ERICH1: variants seen among roughly 807,000 people sequenced by gnomAD.
ERICH1 encodes glutamate rich 1, also known as glutamate-rich protein 1.
ERICH1 carries 56 observed loss-of-function variants against 39.6 expected under a neutral mutation model. The observed-to-expected ratio is 1.41, with a 90% CI of 1.14 to 1.77. The LOEUF is 1.77. ERICH1 is among the 40% of genes most tolerant of loss of function. The pLI is 0.00. For missense variants in ERICH1, 826 were observed against 575.4 expected (o/e 1.44, Z -4.45); for synonymous variants, 313 against 223.6 (o/e 1.40, Z -3.57).
intron 5 of ERICH1, among the ~76,000 whole-genome samples, chr8:665,658 C>A (rs1802101545): frequency 6.6e-6 from 1 of 152,206 alleles, no homozygotes; most frequent in Non-Finnish European, 1.5e-5. Context: ...GGGAGGAACA[C>A]TCAGGGAATG....
intron 2 of ERICH1, among the ~76,000 whole-genome samples, chr8:707,601 G>A (rs536432640): frequency 6.6e-6 from 1 of 152,138 alleles, no homozygotes; most frequent in East Asian, 1.9e-4. Context: ...ACATGCAAAG[G>A]AATGAAGTTG....
At chr8:721,568 C>G (rs1157175875) in intron 1 of ERICH1, among the ~76,000 whole-genome samples, 1 of 152,196 alleles carries the variant, frequency 6.6e-6, no homozygotes, top group Non-Finnish European at 1.5e-5. Context: ...AAATAATCAG[C>G]TGTTTTAGAC....
At chr8:724,439 G>A (rs1245147850) in intron 1 of ERICH1, among the ~76,000 whole-genome samples, 1 of 152,222 alleles carries the variant, frequency 6.6e-6, no homozygotes, top group Non-Finnish European at 1.5e-5. Flanking sequence ...ACGGGCGGCT[G>A]CAATAGTTTT....
At chr8:679,463 C>T (rs1439583740) in intron 3 of ERICH1, among the ~76,000 whole-genome samples, 1 of 151,860 alleles carries the variant, frequency 6.6e-6, no homozygotes, top group African/African-American at 2.4e-5. Context: ...TCACAGCACC[C>T]ACCCCTCGCA....
chr8:721,194 T>C (rs2132406946), intron 1 of ERICH1, among the ~76,000 whole-genome samples: 1 of 152,366 alleles, frequency 6.6e-6, no homozygotes, highest in South Asian at 2.1e-4. Context: ...AAAATAACTT[T>C]GCTGACAAAT....
chr8:663,897 C>G (rs558170902), downstream of ERICH1, among the ~76,000 whole-genome samples: 2 of 152,020 alleles, frequency 1.3e-5, no homozygotes, highest in South Asian at 4.2e-4. Context: ...GTAGCTGGGA[C>G]TACAGGCGCC....
At chr8:692,394 A>G in intron 3 of ERICH1, 84 bp downstream of exon 3, 4 of 1,579,196 alleles carry the variant, frequency 2.5e-6, no homozygotes. Context: ...ATGAATTTAG[A>G]TAAAGGTATT....
intron 3 of ERICH1, among the ~76,000 whole-genome samples, chr8:683,075 T>C (rs1254267550): frequency 6.6e-6 from 1 of 152,216 alleles, no homozygotes; most frequent in Non-Finnish European, 1.5e-5. Flanking sequence ...CCATAGATTG[T>C]ACTCATTTAG....
intron 4 of ERICH1, among the ~76,000 whole-genome samples, chr8:670,190 A>G (rs1465213352): frequency 6.6e-6 from 1 of 152,176 alleles, no homozygotes. Context: ...TTTAGTTACT[A>G]TATTTCTCAG....
intron 3 of ERICH1, among the ~76,000 whole-genome samples, chr8:620,640 G>C (rs1797224593): frequency 6.6e-6 from 1 of 152,244 alleles, no homozygotes; most frequent in South Asian, 2.1e-4. Context: ...AACCATGACA[G>C]AGCTGGATAG....
chr8:680,817 C>A (rs1165906062), intron 3 of ERICH1, among the ~76,000 whole-genome samples: 2 of 152,222 alleles, frequency 1.3e-5, no homozygotes, highest in African/African-American at 2.4e-5. Flanking sequence ...GAGCCCAGAT[C>A]GCCCCGCTGC....
At chr8:653,124 C>A (rs879824858) in intron 3 of ERICH1, among the ~76,000 whole-genome samples, 1 of 152,184 alleles carries the variant, frequency 6.6e-6, no homozygotes, top group Non-Finnish European at 1.5e-5. Flanking sequence ...AAACTGAAAG[C>A]TGGAACTCAA....
chr8:702,490 G>T (rs1812378795), intron 2 of ERICH1, among the ~76,000 whole-genome samples: 1 of 152,178 alleles, frequency 6.6e-6, no homozygotes, highest in Non-Finnish European at 1.5e-5. Flanking sequence ...AGAGAAAGAT[G>T]CCAGAAAACA....
intron 3 of ERICH1, among the ~76,000 whole-genome samples, chr8:634,699 C>T (rs866879986): frequency 3.9e-5 from 6 of 152,166 alleles, no homozygotes; most frequent in Admixed American, 6.5e-5. Context: ...ACCCACTCAG[C>T]TGGTCCCGGG....
chr8:632,289 C>T (rs1284073037), intron 3 of ERICH1, among the ~76,000 whole-genome samples: 1 of 151,774 alleles, frequency 6.6e-6, no homozygotes, highest in Non-Finnish European at 1.5e-5. Context: ...ACTATTGTTG[C>T]TTTCATCCAG....
rs551817683 is a variant in ERICH1 at position 673,599 on chromosome 8, C to T, written c.753G>A (p.Ala251=). Residue 251 remains alanine, a synonymous_variant, in exon 4 of 6, where the codon GCG becomes GCA. Coordinates refer to ENST00000262109, the MANE Select transcript of ERICH1 (RefSeq NM_207332.3). ...DLTRARQEEG[A]DASEEDPTPA... ...GTGTCGGATCTTCCTCACTGGCGTC[C>T]GCACCCTCTTCCTGCCTGGCCCGTG... The T allele has an allele frequency of 1.3e-4, 208 of 1,545,522 alleles. No homozygotes were observed. The South Asian group carries it at 1.5e-3, about 11-fold the overall frequency.
At chr8:695,127 C>G (rs757507470) in intron 2 of ERICH1, among the ~76,000 whole-genome samples, 1 of 152,062 alleles carries the variant, frequency 6.6e-6, no homozygotes, top group Non-Finnish European at 1.5e-5. Flanking sequence ...CCTTTCTCCC[C>G]GTCAGGTTCC....
chr8:621,459 G>C (rs913457029), intron 3 of ERICH1, among the ~76,000 whole-genome samples: 1 of 151,802 alleles, frequency 6.6e-6, no homozygotes. Flanking sequence ...ACATCACACA[G>C]TAAATATATG....
At chr8:693,168 C>G (rs1291607129) in intron 2 of ERICH1, among the ~76,000 whole-genome samples, 5 of 151,902 alleles carry the variant, frequency 3.3e-5, no homozygotes, top group Non-Finnish European at 7.4e-5. Flanking sequence ...CCATGCACAG[C>G]CACAGACCAC....
Sources: allele counts gnomAD v4.1 joint callset (sites outside exome capture counted in the v4.1 genomes callset), GRCh38; gene constraint gnomAD v4.1.1; transcripts MANE v1.5; gene names NCBI Gene and HGNC (gene_info 2026-07-23, HGNC 2026-07-21).